MYOM1: variants seen among roughly 807,000 people sequenced by gnomAD.
The protein encoded by MYOM1 is myomesin 1, also known as myomesin-1.
Under a neutral mutation model 205.3 loss-of-function variants are expected in MYOM1, and 164 were observed. The ratio of observed to expected loss-of-function variants is 0.80; its 90% CI spans 0.70 to 0.91. The LOEUF is 0.91. MYOM1 is among the 40% of genes least tolerant of loss of function. The pLI is 0.00. For synonymous variants in MYOM1, 772 were observed against 789.4 expected (o/e 0.98, Z 0.37); for missense variants, 2,011 against 2,127.3 (o/e 0.95, Z 1.08).
upstream of MYOM1, among the ~76,000 whole-genome samples, chr18:3,222,061 T>G (rs2144284942): frequency 6.6e-6 from 1 of 152,348 alleles, no homozygotes; most frequent in South Asian, 2.1e-4. Context: ...TAAAAAGTGT[T>G]TTACATTAGA....
intron 36 of MYOM1, among the ~76,000 whole-genome samples, chr18:3,072,704 G>A (rs1178382259): frequency 2.0e-5 from 3 of 151,790 alleles, no homozygotes; most frequent in African/African-American, 7.3e-5. Context: ...GTGTGTGGGG[G>A]GCGGTGGGGG....
At chr18:3,247,190 A>G in the MYOM1 span, 2 of 152,332 alleles carry the variant, frequency 1.3e-5, no homozygotes, top group South Asian at 2.1e-4. Flanking sequence ...GGCCAAAAAG[A>G]TAGTGGAGGC....
intron 36 of MYOM1, among the ~76,000 whole-genome samples, chr18:3,072,350 C>CTGTTTTTTTTTTTTTTTTT (rs2078968666): frequency 1.8e-5 from 1 of 56,226 alleles, no homozygotes; most frequent in African/African-American, 9.3e-5. Flanking sequence ...CCGCACCCGG[C>CTGTTTTTTTTTTTTTTTTT]TTTTTTTTTT....
At chr18:3,241,737 A>G in the MYOM1 span, among the ~76,000 whole-genome samples, 1 of 152,226 alleles carries the variant, frequency 6.6e-6, no homozygotes, top group South Asian at 2.1e-4. Context: ...GTGCCTGGAA[A>G]GCAACAGACA....
At chr18:3,226,649 A>G in the MYOM1 span, among the ~76,000 whole-genome samples, 1 of 152,106 alleles carries the variant, frequency 6.6e-6, no homozygotes, top group Non-Finnish European at 1.5e-5. The surrounding 1 kb of genome is among the most constrained non-coding windows in gnomAD (Gnocchi z 4.6). Context: ...TAGGATGGGA[A>G]GTTTTTCGTG....
rs763240198 is a variant in MYOM1, at chr18:3,083,857, G to A, written c.4416C>T (p.Ala1472=). The change falls in exon 33 of 38, where the codon GCC becomes GCT. Residue 1472 remains alanine, a synonymous_variant. Transcript: ENST00000356443. ...CAAAAGAGTACAGTTGGATGCCCTC[G>A]GCTGTGCTCTGGATTTTCAGGTCTG... ...SATDLKIQST[A]EGIQLYSFVT... 9.5e-6 allele frequency: 15 copies of A among 1,583,924 alleles called. No individual in the cohort carries two copies. Among genetic ancestry groups the A allele is most frequent in the African/African-American group, 1.3e-5 (1 of 74,398 alleles).
At chr18:3,186,008 C>A (rs2080803750) in intron 5 of MYOM1, among the ~76,000 whole-genome samples, 1 of 152,094 alleles carries the variant, frequency 6.6e-6, no homozygotes, top group Non-Finnish European at 1.5e-5. Context: ...CCAGCCTGGC[C>A]AACACGGCAA....
intron 22 of MYOM1, among the ~76,000 whole-genome samples, chr18:3,105,564 GA>G (rs2143775508): frequency 6.6e-6 from 1 of 152,224 alleles, no homozygotes; most frequent in Non-Finnish European, 1.5e-5. Flanking sequence ...TGGAGAATAA[GA>G]AAATCCTGGC....
At chr18:3,206,600 G>A (rs1034273192) in intron 2 of MYOM1, among the ~76,000 whole-genome samples, 2 of 152,080 alleles carry the variant, frequency 1.3e-5, no homozygotes, top group African/African-American at 2.4e-5. Context: ...TTGTGAAAAC[G>A]TTGTTTTGGA....
At chr18:3,151,111 G>A (rs1296998259) in intron 12 of MYOM1, among the ~76,000 whole-genome samples, 2 of 150,544 alleles carry the variant, frequency 1.3e-5, no homozygotes, top group African/African-American at 4.9e-5. Flanking sequence ...TCCAAGTGCT[G>A]GGATTACAGG....
rs2079608342 is a variant in MYOM1 at position 3,116,504 on chromosome 18, T to C, written c.3130A>G (p.Ser1044Gly). ...WTIAVPGPPHSLKCSEVRKDS... is the reference protein window; with the variant it reads ...WTIAVPGPPHGLKCSEVRKDS... Reference sequence around the variant, plus strand: ...TTCCTGACTTCACTACACTTGAGACTGTGCGGTGGTCCTGAGAGAGAGAGA... The same window carrying C: ...TTCCTGACTTCACTACACTTGAGACCGTGCGGTGGTCCTGAGAGAGAGAGA... The change falls in exon 21 of 38, where the codon AGT becomes GGT. Residue 1044 changes from serine (S) to glycine (G), a missense_variant. Physicochemically the swap from Ser to Gly is moderately conservative, Grantham distance 56. Coordinates refer to ENST00000356443, the MANE Select transcript of MYOM1 (RefSeq NM_003803.4). The C allele has an allele frequency of 2.6e-6, 4 of 1,554,472 alleles. No individual in the cohort carries two copies. In the South Asian group the frequency reaches 3.7e-5, roughly 14 times the overall value.
At chr18:3,130,468 C>G (rs1484138369) in intron 17 of MYOM1, among the ~76,000 whole-genome samples, 2 of 152,042 alleles carry the variant, frequency 1.3e-5, no homozygotes, top group Non-Finnish European at 2.9e-5. Context: ...TTATTTATTT[C>G]AGACACAGGA....
the MYOM1 span, among the ~76,000 whole-genome samples, chr18:3,234,656 T>C: frequency 1.3e-5 from 2 of 152,102 alleles, no homozygotes; most frequent in Non-Finnish European, 2.9e-5. Flanking sequence ...TTGAAGCTAT[T>C]GCTGTGCCAC....
chr18:3,100,455 T>C (rs1298779466), intron 23 of MYOM1, 29 bp from the exon 24 acceptor site: 32 of 1,533,316 alleles, frequency 2.1e-5, no homozygotes, highest in Non-Finnish European at 2.9e-5. Flanking sequence ...TTCTTAGAAA[T>C]GAGGCTGTGT....
At chr18:3,228,556 G>T in the MYOM1 span, among the ~76,000 whole-genome samples, 1 of 152,048 alleles carries the variant, frequency 6.6e-6, no homozygotes, top group Non-Finnish European at 1.5e-5. This position sits in a 1 kb window ranked among gnomAD's most constrained non-coding sequence, Gnocchi z 4.5. Flanking sequence ...AAGATCAGCA[G>T]ATCTGAGTTT....
chr18:3,210,258 G>C (rs9947480), intron 2 of MYOM1, among the ~76,000 whole-genome samples: 4,987 of 152,248 alleles, frequency 0.033, 233 homozygotes, highest in African/African-American at 0.11. Flanking sequence ...TGCTGTGTTT[G>C]GTCGTCTCTA....
chr18:3,069,758 G>A (rs943923324), intron 37 of MYOM1, among the ~76,000 whole-genome samples: 4 of 152,108 alleles, frequency 2.6e-5, no homozygotes, highest in African/African-American at 9.7e-5. Flanking sequence ...AACACCTTAG[G>A]CATCATGGAA....
intron 6 of MYOM1, 21 bp from the exon 7 acceptor site, chr18:3,174,229 G>C (rs1325058225): frequency 1.7e-5 from 27 of 1,598,738 alleles, no homozygotes; most frequent in Non-Finnish European, 2.3e-5. Context: ...AGACGGAAAT[G>C]AATATCCATC....
chr18:3,173,841 T>C, intron 8 of MYOM1, 97 bp downstream of exon 8: 1 of 1,084,700 alleles, frequency 9.2e-7, no homozygotes, highest in Non-Finnish European at 1.4e-6. Context: ...ATATACTATG[T>C]TATATATAGT....
Sources: allele counts gnomAD v4.1 joint callset (sites outside exome capture counted in the v4.1 genomes callset), GRCh38; gene constraint gnomAD v4.1.1; non-coding constraint Gnocchi (gnomAD v3.1); transcripts MANE v1.5; gene names NCBI Gene and HGNC (gene_info 2026-07-23, HGNC 2026-07-21).